Variants in AKAP7 observed in about 807,000 individuals in gnomAD.
The protein encoded by AKAP7 is A kinase (PRKA) anchor protein 7.
Under a neutral mutation model 39.5 loss-of-function variants are expected in AKAP7, and 39 were observed. That is an observed-to-expected ratio of 0.99 (90% confidence interval 0.76 to 1.29). The LOEUF is 1.29. AKAP7 is among the 50% of genes most tolerant of loss of function. The probability of loss-of-function intolerance (pLI) is 0.00; values close to 1 mark genes in which losing one functional copy is unlikely to be tolerated. For synonymous variants in AKAP7, 140 were observed against 139.1 expected, an observed-to-expected ratio of 1.01 and a Z score of -0.05; for missense variants, 414 against 407.7, an observed-to-expected ratio of 1.02 and a Z score of -0.13.
chr6:131,188,801 C>T (rs1426767684), intron 5 of AKAP7, among the ~76,000 whole-genome samples: 3 of 151,802 alleles, frequency 2.0e-5, no homozygotes, highest in East Asian at 1.9e-4. Flanking sequence ...AATTCTCCCT[C>T]CTTGGCCTCC....
Position 131,238,302 on chromosome 6 carries a change from T to G in AKAP7, c.850+18494T>G, listed in dbSNP as rs146494649. ...GTTATAATTTCTGTTCTTTTACATT[T>G]GCTGAGGAGTGCTTTACTTGCAACT... On this transcript the variant is annotated intron_variant, in intron 7 of 7. Transcript: ENST00000431975. Among the ~76,000 whole-genome samples the G allele has an allele frequency of 0.014, 2,187 of 152,322 alleles. 145 individuals carry two copies. The East Asian group carries it at 0.18, about 12-fold the overall frequency.
intron 5 of AKAP7, among the ~76,000 whole-genome samples, chr6:131,179,895 ATAAT>A (rs1313603751): frequency 7.0e-6 from 1 of 141,942 alleles, no homozygotes; most frequent in East Asian, 2.1e-4. Flanking sequence ...AAATAAATAA[ATAAT>A]AAATAAATAA....
At chr6:131,135,363 C>T (rs528020246), upstream of AKAP7, among the ~76,000 whole-genome samples, 117 of 152,338 alleles carry the variant, frequency 7.7e-4, no homozygotes, top group South Asian at 6.2e-3. Context: ...ACCTGGGCTG[C>T]CGTGACGCCG....
At chr6:131,261,044 A>AAGTT (rs945877363) in intron 7 of AKAP7, among the ~76,000 whole-genome samples, 4 of 148,612 alleles carry the variant, frequency 2.7e-5, no homozygotes, top group African/African-American at 1.0e-4. Flanking sequence ...TAAAAATACA[A>AAGTT]AGTTAGCTGG....
intron 7 of AKAP7, among the ~76,000 whole-genome samples, chr6:131,247,882 G>C (rs1403029533): frequency 1.3e-5 from 2 of 152,094 alleles, no homozygotes; most frequent in Non-Finnish European, 1.5e-5. Context: ...CTCTCACCTT[G>C]GCCCCCCAAA....
chr6:131,153,122 T>C (rs904305320), intron 2 of AKAP7, among the ~76,000 whole-genome samples: 1 of 124,952 alleles, frequency 8.0e-6, no homozygotes, highest in Non-Finnish European at 1.6e-5. Context: ...AGAGCAAGAC[T>C]CCATCTCAAA....
At chr6:131,138,155 C>T (rs568943658) in intron 1 of AKAP7, among the ~76,000 whole-genome samples, 16 of 152,198 alleles carry the variant, frequency 1.1e-4, no homozygotes, top group African/African-American at 3.9e-4. Context: ...TTCTTCTATT[C>T]TCTATCTCCA....
At chr6:131,147,826 T>C (rs189667237) in intron 2 of AKAP7, among the ~76,000 whole-genome samples, 11 of 152,362 alleles carry the variant, frequency 7.2e-5, no homozygotes. Flanking sequence ...GGGATGAGTC[T>C]GTTCATTCTT....
intron 5 of AKAP7, 72 bp downstream of exon 5, chr6:131,169,345 A>T: frequency 1.3e-6 from 2 of 1,519,940 alleles, no homozygotes; most frequent in Non-Finnish European, 9.0e-7. Flanking sequence ...TGTAACAGAG[A>T]CTTGACATTT....
At chr6:131,213,890 T>C (rs1312588453) in intron 6 of AKAP7, among the ~76,000 whole-genome samples, 1 of 152,148 alleles carries the variant, frequency 6.6e-6, no homozygotes, top group East Asian at 1.9e-4. Context: ...CTTGTTGTAT[T>C]GAGCCTGCAA....
intron 7 of AKAP7, among the ~76,000 whole-genome samples, chr6:131,263,846 C>A (rs1813560806): frequency 6.6e-6 from 1 of 152,064 alleles, no homozygotes; most frequent in South Asian, 2.1e-4. Flanking sequence ...AATGGAGTAG[C>A]CACTCTGATC....
intron 6 of AKAP7, among the ~76,000 whole-genome samples, chr6:131,207,517 T>TTTTTTTTTTA (rs1367120493): frequency 2.1e-5 from 3 of 141,564 alleles, no homozygotes; most frequent in Admixed American, 7.1e-5. Context: ...TTTTTTTTTT[T>TTTTTTTTTTA]AGATATGGGG....
chr6:131,253,802 G>A (rs1045509794), intron 7 of AKAP7, among the ~76,000 whole-genome samples: 1 of 151,988 alleles, frequency 6.6e-6, no homozygotes, highest in African/African-American at 2.4e-5. Flanking sequence ...GAAAATGACA[G>A]GATTTTATTC....
chr6:131,164,180 C>T (rs1803248448), intron 3 of AKAP7, among the ~76,000 whole-genome samples: 1 of 151,820 alleles, frequency 6.6e-6, no homozygotes. Flanking sequence ...ACTGTCAGCC[C>T]CCACTCTTTC....
chr6:131,249,687 T>G (rs1394921112), intron 7 of AKAP7, among the ~76,000 whole-genome samples: 3 of 152,230 alleles, frequency 2.0e-5, no homozygotes, highest in Non-Finnish European at 4.4e-5. Flanking sequence ...GTTCAAAATA[T>G]AGCCTTTCTT....
chr6:131,146,631 C>T (rs911344347), intron 2 of AKAP7, among the ~76,000 whole-genome samples: 5 of 152,148 alleles, frequency 3.3e-5, no homozygotes, highest in South Asian at 2.1e-4. Flanking sequence ...ACATACTCTG[C>T]GCCATTCAAC....
At position 131,231,617 on chromosome 6, in the gene AKAP7, C is replaced by T. The variant is rs185481200; in HGVS notation, c.850+11809C>T. Among the ~76,000 whole-genome samples, 185 of 152,098 alleles carry T rather than the reference C, an allele frequency of 1.2e-3. 2 individuals are homozygous for T. The highest frequency in any genetic ancestry group is 5.0e-4 in the Non-Finnish European group (34 of 67,992). ...AGGTATTTATTTATTTTATGACATACAAATTGGGTGACCATATGATTTATC... is the reference window on the plus strand; with the variant it reads ...AGGTATTTATTTATTTTATGACATATAAATTGGGTGACCATATGATTTATC... On this transcript the variant is annotated intron_variant, in intron 7 of 7. Transcript: ENST00000431975.
chr6:131,199,951 G>T (rs1270852619), intron 6 of AKAP7: 3 of 219,678 alleles, frequency 1.4e-5, no homozygotes, highest in South Asian at 1.1e-4. Flanking sequence ...CTGTTACGCT[G>T]GTGCTGCTCA....
the AKAP7 span, among the ~76,000 whole-genome samples, chr6:131,130,156 T>C: frequency 5.3e-4 from 81 of 152,294 alleles, no homozygotes; most frequent in African/African-American, 1.9e-3. Flanking sequence ...TCATTGTACC[T>C]TGCCCTCTGG....
Sources: allele counts gnomAD v4.1 joint callset (sites outside exome capture counted in the v4.1 genomes callset), GRCh38; gene constraint gnomAD v4.1.1; transcripts MANE v1.5; gene names NCBI Gene and HGNC (gene_info 2026-07-23, HGNC 2026-07-21).